TMEM209: variants seen among roughly 807,000 people sequenced by gnomAD.
The protein encoded by TMEM209 is transmembrane protein 209.
In TMEM209, 65 loss-of-function variants were observed where a neutral mutation model predicts 76.2. The ratio of observed to expected loss-of-function variants is 0.85; its 90% CI spans 0.70 to 1.05. The LOEUF (loss-of-function observed/expected upper bound fraction) is 1.05, where lower values mean the gene tolerates loss of function less well. Ranked by LOEUF, TMEM209 falls within the 50% of genes least tolerant of loss-of-function variation. The pLI is 0.00. For synonymous variants in TMEM209, 239 were observed against 237.6 expected (o/e 1.01, Z -0.06); for missense variants, 623 against 685.5 (o/e 0.91, Z 1.02).
At position 130,192,579 on chromosome 7, in the gene TMEM209, C is replaced by T. The variant is rs764099452; in HGVS notation, c.775+43G>A. The T allele has an allele frequency of 3.0e-5, 47 of 1,543,212 alleles. No homozygotes were observed. In the Admixed American group the frequency reaches 8.0e-4, roughly 26 times the overall value. On this transcript the variant is annotated intron_variant, in intron 6 of 14. Coordinates refer to ENST00000397622, the MANE Select transcript of TMEM209 (RefSeq NM_032842.4). Reference sequence around the variant, plus strand: ...ATGAAAATAGTAGGTTAAGGATTGACACCAAAAATATGTATAGTAGATATA... The same window carrying T: ...ATGAAAATAGTAGGTTAAGGATTGATACCAAAAATATGTATAGTAGATATA...
chr7:130,188,432 T>TA (rs1203934313), intron 6 of TMEM209, among the ~76,000 whole-genome samples: 2 of 151,332 alleles, frequency 1.3e-5, no homozygotes, highest in Non-Finnish European at 2.9e-5. Flanking sequence ...CCGTCTCTAC[T>TA]AAAAATACAA....
chr7:130,195,482 A>AGTTTTTAATATTAAAATGGAT (rs949709509), intron 5 of TMEM209, among the ~76,000 whole-genome samples: 1 of 152,060 alleles, frequency 6.6e-6, no homozygotes, highest in African/African-American at 2.4e-5. Flanking sequence ...ACTTAACCAA[A>AGTTTTTAATATTAAAATGGAT]GTTTTTAATA....
At chr7:130,184,385 C>A (rs1288271017) in intron 7 of TMEM209, 130 bp from the exon 8 acceptor site, 3 of 612,408 alleles carry the variant, frequency 4.9e-6, no homozygotes, top group South Asian at 2.3e-5. Flanking sequence ...CAATATTCAT[C>A]TAATTAATAT....
intron 4 of TMEM209, 146 bp downstream of exon 4, chr7:130,202,386 T>C: frequency 8.5e-7 from 1 of 1,182,456 alleles, no homozygotes; most frequent in South Asian, 1.6e-5. Context: ...GGAATGATAA[T>C]CATTGGTCAT....
At chr7:130,178,161 A>T (rs548816409) in intron 10 of TMEM209, among the ~76,000 whole-genome samples, 21 of 152,338 alleles carry the variant, frequency 1.4e-4, no homozygotes, top group African/African-American at 4.8e-4. Context: ...ACTATAAAGA[A>T]TGTCATAATG....
intron 4 of TMEM209, 148 bp from the exon 5 acceptor site, chr7:130,202,239 G>T: frequency 2.5e-6 from 3 of 1,194,286 alleles, no homozygotes; most frequent in Non-Finnish European, 3.4e-6. Context: ...TATTACCAAA[G>T]GACACAAATT....
At position 130,203,849 on chromosome 7, in the gene TMEM209, GAA is replaced by G; in HGVS notation, c.141-5_141-4del. On this transcript the variant is annotated splice_region_variant and splice_polypyrimidine_tract_variant and intron_variant, in intron 2 of 14. Coordinates refer to ENST00000397622, the MANE Select transcript of TMEM209 (RefSeq NM_032842.4). ...ATGAACTAATCAATTTTCCAGTCCTGAAAAAAAATTAGAAAGGCTTTCCAGTG... is the reference window on the plus strand; with the variant it reads ...ATGAACTAATCAATTTTCCAGTCCTGAAAAAATTAGAAAGGCTTTCCAGTG... 1 of 1,593,530 alleles carries G rather than the reference GAA, an allele frequency of 6.3e-7. No homozygotes were observed. The highest frequency in any genetic ancestry group is 1.3e-5 in the African/African-American group (1 of 74,246).
chr7:130,202,190 G>C, intron 4 of TMEM209, 99 bp from the exon 5 acceptor site: 1 of 1,379,946 alleles, frequency 7.2e-7, no homozygotes, highest in Non-Finnish European at 9.7e-7. Context: ...AGGGAAAAAA[G>C]TTAACAGAGT....
At chr7:130,170,321 C>A in intron 14 of TMEM209, 79 bp downstream of exon 14, 2 of 1,189,872 alleles carry the variant, frequency 1.7e-6, no homozygotes, top group South Asian at 1.3e-5. Context: ...CAGTTACATG[C>A]TGCTGCCTTC....
chr7:130,183,216 C>T (rs1196349086), intron 8 of TMEM209, among the ~76,000 whole-genome samples: 2 of 152,140 alleles, frequency 1.3e-5, no homozygotes, highest in Non-Finnish European at 2.9e-5. Context: ...ACTCATTCAT[C>T]CTTCCAACAT....
At chr7:130,194,984 A>G (rs1414651585) in intron 5 of TMEM209, among the ~76,000 whole-genome samples, 1 of 152,130 alleles carries the variant, frequency 6.6e-6, no homozygotes, top group African/African-American at 2.4e-5. Flanking sequence ...ATATTACATA[A>G]TTATATACAC....
In TMEM209 at chr7:130,165,316, G is replaced by T. The variant is rs1034952068; in HGVS notation, c.*1135C>A. The stretch of plus-strand genomic sequence containing the variant: ...AGCTACTACATATACAGAAAATAAA[G>T]ATGGTGAGTCAAACAAAACATACAA... On this transcript the variant is annotated 3_prime_UTR_variant, in exon 15 of 15. Transcript: ENST00000397622. 32 of 152,080 alleles carry T rather than the reference G, an allele frequency of 2.1e-4. No homozygotes were observed. The highest frequency in any genetic ancestry group is 6.0e-4 in the African/African-American group (25 of 41,430). 9.4% of individuals were successfully genotyped at this position (152,080 alleles called of 1,614,324 possible).
At position 130,204,101 on chromosome 7, in the gene TMEM209, C is replaced by CTATGAAAAAACAAAAAGCACAGGAATTAA. The variant is rs764035155; in HGVS notation, c.12_13insTTAATTCCTGTGCTTTTTGTTTTTTCATA (p.Glu5LeufsTer10). ...ATAAGGGAAGCACTAGGGTGTGCCT[C>CTATGAAAAAACAAAAAGCACAGGAATTAA]CCCCTGCATCTATGAAAAAACAAAA... On this transcript the variant is annotated frameshift_variant, in exon 2 of 15. Transcript: ENST00000397622. LOFTEE classifies it high-confidence loss of function. The CTATGAAAAAACAAAAAGCACAGGAATTAA allele has an allele frequency of 6.2e-6, 10 of 1,603,834 alleles. No individual in the cohort carries two copies. In the South Asian group the frequency reaches 1.0e-4, roughly 16 times the overall value.
At chr7:130,182,333 T>A (rs1444242957) in intron 8 of TMEM209, among the ~76,000 whole-genome samples, 2 of 152,208 alleles carry the variant, frequency 1.3e-5, no homozygotes, top group African/African-American at 2.4e-5. Flanking sequence ...TTTCTTAAAA[T>A]TTTCTGATTA....
At chr7:130,181,899 G>A in intron 8 of TMEM209, 180 bp from the exon 9 acceptor site, 1 of 508,316 alleles carries the variant, frequency 2.0e-6, no homozygotes, top group East Asian at 3.4e-5. Flanking sequence ...TCAAGAGATG[G>A]TTAAATAAAT....
rs1447106589 is a variant in TMEM209, at chr7:130,201,998, T to A, written c.425A>T (p.Tyr142Phe). Residue 142 changes from tyrosine (Y) to phenylalanine (F), a missense_variant, in exon 5 of 15, where the codon TAT becomes TTT. Coordinates refer to ENST00000397622, the MANE Select transcript of TMEM209 (RefSeq NM_032842.4). ...PSIQGQSVLS[Y>F]SPSRSPSTSP... ...GGTACTGGGCGAACGAGAAGGGCTA[T>A]AACTCAACACACTCTGACCCTGAAT... 2.5e-6 allele frequency: 4 copies of A among 1,613,864 alleles called. No homozygotes were observed. The East Asian group carries it at 8.9e-5, about 36-fold the overall frequency.
intron 8 of TMEM209, among the ~76,000 whole-genome samples, chr7:130,183,023 C>A (rs952128761): frequency 4.9e-4 from 74 of 152,216 alleles, no homozygotes; most frequent in South Asian, 3.9e-3. Flanking sequence ...TTAAAAAAAT[C>A]CAAAAACTCT....
Position 130,178,556 on chromosome 7 carries a change from A to C in TMEM209, c.1121-29T>G, listed in dbSNP as rs1422248302. On this transcript the variant is annotated intron_variant, in intron 9 of 14. Transcript: ENST00000397622. ...TTAACATAAAACACAGAGAACACTG[A>C]TTATTCTAAAAGTGAGTTTCCAAAA... The C allele has an allele frequency of 5.0e-6, 8 of 1,610,450 alleles. No homozygotes were observed. In the Admixed American group the frequency reaches 5.0e-5, roughly 10 times the overall value.
chr7:130,184,383 A>T (rs1000751946), intron 7 of TMEM209, 128 bp from the exon 8 acceptor site: 11 of 618,064 alleles, frequency 1.8e-5, no homozygotes, highest in Admixed American at 6.2e-5. Flanking sequence ...ATCAATATTC[A>T]TCTAATTAAT....
Sources: allele counts gnomAD v4.1 joint callset (sites outside exome capture counted in the v4.1 genomes callset), GRCh38; gene constraint gnomAD v4.1.1; transcripts MANE v1.5; gene names NCBI Gene and HGNC (gene_info 2026-07-23, HGNC 2026-07-21).